The following EIF4G3 variants were observed in gnomAD, a reference collection of about 807,000 sequenced individuals.
EIF4G3 encodes the protein eukaryotic translation initiation factor 4 gamma 3.
A neutral mutation model predicts 186.4 loss-of-function variants in EIF4G3; 34 were observed. That is an observed-to-expected ratio of 0.18 (90% CI 0.14 to 0.24). The LOEUF (loss-of-function observed/expected upper bound fraction) is 0.24, where lower values mean the gene tolerates loss of function less well. Ranked by LOEUF, EIF4G3 falls within the 10% of genes least tolerant of loss-of-function variation. The pLI is 1.00. For missense variants in EIF4G3, 1,536 were observed against 1,948.5 expected (o/e 0.79, Z 3.99); for synonymous variants, 673 against 679.5 (o/e 0.99, Z 0.15).
intron 2 of EIF4G3, among the ~76,000 whole-genome samples, chr1:21,108,682 T>A (rs2096660166): frequency 6.7e-6 from 1 of 149,234 alleles, no homozygotes; most frequent in African/African-American, 2.5e-5. Flanking sequence ...GGCAAGCAGA[T>A]TACCTGAGCT....
chr1:21,044,563 A>C (rs2093765003), intron 4 of EIF4G3, among the ~76,000 whole-genome samples: 1 of 152,030 alleles, frequency 6.6e-6, no homozygotes, highest in African/African-American at 2.4e-5. Context: ...CTCAGAATTT[A>C]TATTCTTCAC....
chr1:21,163,091 G>C, intron 2 of EIF4G3, among the ~76,000 whole-genome samples: 1 of 152,124 alleles, frequency 6.6e-6, no homozygotes, highest in East Asian at 1.9e-4. Context: ...TAAATTTACT[G>C]TCTACTATGT....
chr1:20,955,977 C>G (rs892760823), intron 12 of EIF4G3, among the ~76,000 whole-genome samples: 11 of 151,944 alleles, frequency 7.2e-5, no homozygotes, highest in African/African-American at 2.7e-4. Flanking sequence ...GAAGTGTTCT[C>G]ATAATATAAT....
intron 3 of EIF4G3, among the ~76,000 whole-genome samples, chr1:21,058,194 A>G (rs1444785899): frequency 6.6e-6 from 1 of 152,180 alleles, no homozygotes; most frequent in Non-Finnish European, 1.5e-5. Flanking sequence ...CCTGGAGGAA[A>G]CAAAATGGGA....
chr1:21,160,332 G>T (rs1276453828), intron 2 of EIF4G3, among the ~76,000 whole-genome samples: 1 of 152,190 alleles, frequency 6.6e-6, no homozygotes, highest in Non-Finnish European at 1.5e-5. Context: ...ATCAATAAAT[G>T]TAGAAGGAAA....
At chr1:21,025,429 C>T (rs964041900) in intron 4 of EIF4G3, among the ~76,000 whole-genome samples, 2 of 151,856 alleles carry the variant, frequency 1.3e-5, no homozygotes, top group South Asian at 4.2e-4. Context: ...GGCCTGATAA[C>T]AGCAGTGGAT....
rs561504226 is a variant in EIF4G3 at position 21,021,544 on chromosome 1, ATTCT to A, written c.-66-18740_-66-18737del. ...GTAACCATACTCTGACATACTTAAG[ATTCT>A]TTCTTTCTTTTTTTTTCTTTATGTG... On this transcript the variant is annotated intron_variant, in intron 4 of 36. Coordinates refer to ENST00000602326, the MANE Select transcript of EIF4G3 (RefSeq NM_001391906.1). Among the ~76,000 whole-genome samples, 189 of 151,884 alleles carry A rather than the reference ATTCT, an allele frequency of 1.2e-3. 1 individual carries two copies. Among genetic ancestry groups the A allele is most frequent in the African/African-American group, 4.3e-3 (178 of 41,438 alleles).
At chr1:21,140,336 CAG>C (rs1405616618) in intron 2 of EIF4G3, among the ~76,000 whole-genome samples, 4 of 151,924 alleles carry the variant, frequency 2.6e-5, no homozygotes, top group African/African-American at 4.8e-5. Flanking sequence ...TTTTTTGAGA[CAG>C]AGTCTTGCTC....
chr1:20,876,654 T>G (rs1186882145), intron 20 of EIF4G3, among the ~76,000 whole-genome samples: 2 of 152,184 alleles, frequency 1.3e-5, no homozygotes, highest in Non-Finnish European at 2.9e-5. Context: ...AATAACTGTA[T>G]TAACTATACC....
Position 20,807,485 on chromosome 1 carries a change from A to T in EIF4G3, c.4760T>A (p.Phe1587Tyr). The T allele has an allele frequency of 6.3e-7, 1 of 1,590,220 alleles. No individual in the cohort carries two copies. Among genetic ancestry groups the T allele is most frequent in the Non-Finnish European group, 8.6e-7 (1 of 1,164,026 alleles). Reference sequence around the variant, plus strand: ...CTCCTCGTCATATAGACAATCAAAAAACATCCGCAGCAAATCTGCAAGGAG... The same window carrying T: ...CTCCTCGTCATATAGACAATCAAAATACATCCGCAGCAAATCTGCAAGGAG... ...LDQPANLLRM[F>Y]FDCLYDEEVI... The change falls in exon 37 of 37, where the codon TTT (phenylalanine) becomes TAT (tyrosine). Residue 1587 changes from phenylalanine (F) to tyrosine (Y), a missense_variant. By Grantham distance (22) the Phe-to-Tyr change is conservative (BLOSUM62 3). This residue lies in a region of EIF4G3 where 45 missense variants were observed against 99.1 expected (regional missense o/e 0.45). Transcript: ENST00000602326.
Position 21,066,125 on chromosome 1 carries a change from G to A in EIF4G3, c.-195-15131C>T, listed in dbSNP as rs572641521. Among the ~76,000 whole-genome samples the A allele has an allele frequency of 2.1e-3, 316 of 152,030 alleles. 1 individual carries two copies. Among genetic ancestry groups the A allele is most frequent in the African/African-American group, 7.1e-3 (293 of 41,468 alleles). ...CAGTGAGCCATGATCATACCACTGGGCAACAGAGCGAGACTCTGTCTCAAA... is the reference window on the plus strand; with the variant it reads ...CAGTGAGCCATGATCATACCACTGGACAACAGAGCGAGACTCTGTCTCAAA... On this transcript the variant is annotated intron_variant, in intron 3 of 36. Coordinates refer to ENST00000602326, the MANE Select transcript of EIF4G3 (RefSeq NM_001391906.1).
At chr1:21,020,238 A>G (rs1287835202) in intron 4 of EIF4G3, among the ~76,000 whole-genome samples, 1 of 152,200 alleles carries the variant, frequency 6.6e-6, no homozygotes, top group African/African-American at 2.4e-5. Context: ...CTGTAATCTT[A>G]GCACTTTGGG....
intron 2 of EIF4G3, among the ~76,000 whole-genome samples, chr1:21,168,759 A>G (rs146630351): frequency 6.6e-6 from 1 of 152,260 alleles, no homozygotes; most frequent in Non-Finnish European, 1.5e-5. Flanking sequence ...ATACTTAGGT[A>G]GCAAATTAAG....
At chr1:21,137,407 T>C (rs2102600899) in intron 2 of EIF4G3, among the ~76,000 whole-genome samples, 1 of 152,234 alleles carries the variant, frequency 6.6e-6, no homozygotes, top group African/African-American at 2.4e-5. Flanking sequence ...CTCCAAATTG[T>C]TGGATTACAG....
intron 14 of EIF4G3, among the ~76,000 whole-genome samples, chr1:20,928,461 G>C (rs2095080445): frequency 2.0e-5 from 3 of 152,112 alleles, no homozygotes; most frequent in Admixed American, 6.6e-5. Context: ...GGAGTGCAGT[G>C]GTGTGATCTC....
intron 17 of EIF4G3, among the ~76,000 whole-genome samples, chr1:20,894,596 T>G (rs780847350): frequency 3.3e-5 from 5 of 152,212 alleles, no homozygotes; most frequent in Non-Finnish European, 7.3e-5. Flanking sequence ...GAGTAGGATA[T>G]AAATAACTCT....
intron 16 of EIF4G3, among the ~76,000 whole-genome samples, chr1:20,898,834 G>A (rs576964845): frequency 1.2e-4 from 18 of 152,230 alleles, no homozygotes; most frequent in South Asian, 6.2e-4. Flanking sequence ...GGGTTCAAGC[G>A]ATTCTCCTGC....
chr1:20,922,060 A>G (rs953604764), intron 14 of EIF4G3, among the ~76,000 whole-genome samples: 6 of 152,048 alleles, frequency 3.9e-5, no homozygotes, highest in African/African-American at 1.4e-4. Flanking sequence ...TCTGATACAA[A>G]CTCTTTTTGA....
chr1:20,927,615 G>T (rs2095005033), intron 14 of EIF4G3, among the ~76,000 whole-genome samples: 2 of 152,178 alleles, frequency 1.3e-5, no homozygotes, highest in Admixed American at 6.5e-5. Context: ...TAGATAGCTG[G>T]AAAGAAGAGA....
Sources: allele counts gnomAD v4.1 joint callset (sites outside exome capture counted in the v4.1 genomes callset), GRCh38; gene constraint gnomAD v4.1.1; regional missense constraint gnomAD v4.1.1; transcripts MANE v1.5; gene names NCBI Gene and HGNC (gene_info 2026-07-23, HGNC 2026-07-21).